The following PMFBP1 variants were observed in gnomAD, a reference collection of about 807,000 sequenced individuals.
PMFBP1 encodes polyamine modulated factor 1 binding protein 1, also known as polyamine-modulated factor 1-binding protein 1.
PMFBP1 carries 131 observed loss-of-function variants against 137.8 expected under a neutral mutation model. The observed-to-expected ratio is 0.95, with a 90% CI of 0.82 to 1.10. The LOEUF (loss-of-function observed/expected upper bound fraction) is 1.10. Ranked by LOEUF, PMFBP1 falls within the 50% of genes least tolerant of loss-of-function variation. The pLI is 0.00. For synonymous variants in PMFBP1, 490 were observed against 450.4 expected (o/e 1.09, Z -1.11); for missense variants, 1,199 against 1,175.4 (o/e 1.02, Z -0.29).
intron 12 of PMFBP1, 47 bp from the exon 13 acceptor site, chr16:72,129,280 T>C (rs1386987882): frequency 1.3e-6 from 2 of 1,572,032 alleles, no homozygotes; most frequent in Non-Finnish European, 8.6e-7. Flanking sequence ...GACTATATTA[T>C]ATTTGGGGGA....
At chr16:72,150,319 C>G (rs1001385315) in intron 5 of PMFBP1, among the ~76,000 whole-genome samples, 6 of 152,168 alleles carry the variant, frequency 3.9e-5, no homozygotes, top group African/African-American at 1.4e-4. Flanking sequence ...AAGGCTCAGC[C>G]AACCCCACAG....
chr16:72,139,257 C>A (rs758371126), intron 7 of PMFBP1, 32 bp downstream of exon 7: 1 of 1,509,880 alleles, frequency 6.6e-7, no homozygotes, highest in South Asian at 1.1e-5. Flanking sequence ...CAGCCCGATC[C>A]CAGTAGGCAC....
At chr16:72,226,212 C>A in the PMFBP1 span, among the ~76,000 whole-genome samples, 7 of 152,226 alleles carry the variant, frequency 4.6e-5, no homozygotes, top group African/African-American at 1.7e-4. Context: ...TCTGGGAATT[C>A]TTTGGTTACT....
At chr16:72,143,801 G>A (rs1445136168) in intron 5 of PMFBP1, among the ~76,000 whole-genome samples, 4 of 152,016 alleles carry the variant, frequency 2.6e-5, no homozygotes, top group Non-Finnish European at 4.4e-5. Flanking sequence ...AGCACTTTGG[G>A]AGGCCAAGGT....
At chr16:72,229,978 C>T in the PMFBP1 span, among the ~76,000 whole-genome samples, 8 of 152,272 alleles carry the variant, frequency 5.3e-5, no homozygotes, top group South Asian at 4.1e-4. Flanking sequence ...AGGTACACAC[C>T]GCTGAAGGCT....
chr16:72,221,929 T>C, the PMFBP1 span, among the ~76,000 whole-genome samples: 8 of 152,356 alleles, frequency 5.3e-5, no homozygotes, highest in East Asian at 1.2e-3. Flanking sequence ...CTCTTCCCTG[T>C]ATCTCTCACT....
chr16:72,240,613 G>A, the PMFBP1 span, among the ~76,000 whole-genome samples: 2 of 152,126 alleles, frequency 1.3e-5, no homozygotes, highest in African/African-American at 4.8e-5. Context: ...TGACATCTGT[G>A]CTTGAATCAT....
At chr16:72,188,945 A>T in the PMFBP1 span, among the ~76,000 whole-genome samples, 1 of 152,226 alleles carries the variant, frequency 6.6e-6, no homozygotes, top group Non-Finnish European at 1.5e-5. Context: ...GTCCCCGACC[A>T]AGGGAGCGCA....
At chr16:72,155,462 T>C (rs867207926) in intron 3 of PMFBP1, among the ~76,000 whole-genome samples, 16 of 152,358 alleles carry the variant, frequency 1.1e-4, no homozygotes, top group African/African-American at 3.6e-4. Context: ...TAATTATTTC[T>C]GTGCATTTTA....
At chr16:72,196,156 C>G in the PMFBP1 span, among the ~76,000 whole-genome samples, 1 of 152,132 alleles carries the variant, frequency 6.6e-6, no homozygotes, top group Non-Finnish European at 1.5e-5. Context: ...CATGAATGCT[C>G]TTTTGGATCC....
chr16:72,132,908 C>G lies in PMFBP1; in HGVS notation c.1287G>C (p.Lys429Asn). The G allele has an allele frequency of 1.2e-6, 2 of 1,614,230 alleles. No individual in the cohort carries two copies. The highest frequency in any genetic ancestry group is 1.7e-6 in the Non-Finnish European group (2 of 1,180,048). The change falls in exon 10 of 21, where the codon AAG becomes AAC. Residue 429 changes from lysine (K) to asparagine (N), a missense_variant. Transcript: ENST00000237353. ...CCATGCACTGCTGCTTCTCCAGCTC[C>G]TTCTCCTTTTTCAGGAGGCTGTTCT... The part of the protein sequence containing the change: ...QVQNSLLKKE[K>N]ELEKQQCMAT...
chr16:72,164,282 A>T (rs756729720), intron 3 of PMFBP1: 1 of 639,394 alleles, frequency 1.6e-6, no homozygotes, highest in Non-Finnish European at 2.5e-6. Flanking sequence ...TCCTATGATC[A>T]GGTTCCTGCA....
At chr16:72,164,576 C>G in intron 3 of PMFBP1, 188 bp downstream of exon 3, 1 of 1,238,836 alleles carries the variant, frequency 8.1e-7, no homozygotes. Context: ...GTCCTGAAGG[C>G]AGGACTGGCA....
the PMFBP1 span, chr16:72,224,760 G>C: frequency 6.6e-6 from 1 of 152,260 alleles, no homozygotes; most frequent in African/African-American, 2.4e-5. Flanking sequence ...CTTGTTGAGT[G>C]ACTGAATCAA....
chr16:72,226,221 C>T, the PMFBP1 span, among the ~76,000 whole-genome samples: 16 of 152,246 alleles, frequency 1.1e-4, no homozygotes, highest in Admixed American at 2.6e-4. Flanking sequence ...TCTTTGGTTA[C>T]TAGATTATTC....
At chr16:72,194,779 T>G in the PMFBP1 span, among the ~76,000 whole-genome samples, 1 of 152,202 alleles carries the variant, frequency 6.6e-6, no homozygotes. Context: ...TGTTCTAGGT[T>G]GTTGACACTG....
the PMFBP1 span, among the ~76,000 whole-genome samples, chr16:72,242,007 C>T: frequency 5.3e-5 from 8 of 152,304 alleles, no homozygotes; most frequent in African/African-American, 1.4e-4. Context: ...TTGTCTGGCA[C>T]GGTGCTGGTT....
At chr16:72,163,692 T>C (rs1156273465) in intron 3 of PMFBP1, among the ~76,000 whole-genome samples, 1 of 152,158 alleles carries the variant, frequency 6.6e-6, no homozygotes, top group Non-Finnish European at 1.5e-5. Flanking sequence ...TTTGACTGGT[T>C]CCATGTTTTC....
chr16:72,232,416 T>C, the PMFBP1 span, among the ~76,000 whole-genome samples: 1 of 152,192 alleles, frequency 6.6e-6, no homozygotes, highest in Non-Finnish European at 1.5e-5. Context: ...AGATCTCAGC[T>C]TCTCAGACCC....
Sources: gnomAD v4.1 joint callset for allele counts (sites outside exome capture counted in the v4.1 genomes callset) on GRCh38, gnomAD v4.1.1 for gene constraint, MANE v1.5 for transcripts, NCBI Gene and HGNC (gene_info 2026-07-23, HGNC 2026-07-21) for gene names.